The following SEC22C variants were observed in gnomAD, a reference collection of about 807,000 sequenced individuals.
The protein encoded by SEC22C is vesicle-trafficking protein SEC22c.
A neutral mutation model predicts 34.7 loss-of-function variants in SEC22C; 29 were observed. The observed-to-expected ratio is 0.84, with a 90% CI of 0.62 to 1.14. The LOEUF (loss-of-function observed/expected upper bound fraction) is 1.14. Ranked by LOEUF, SEC22C falls within the 50% of genes most tolerant of loss-of-function variation. SEC22C has a pLI of 0.00. For synonymous variants in SEC22C, 117 were observed against 132.8 expected, an observed-to-expected ratio of 0.88 and a Z score of 0.82; for missense variants, 337 against 369.0, an observed-to-expected ratio of 0.91 and a Z score of 0.71.
intron 5 of SEC22C, among the ~76,000 whole-genome samples, chr3:42,556,903 A>G (rs1702564081): frequency 6.6e-6 from 1 of 152,002 alleles, no homozygotes; most frequent in Non-Finnish European, 1.5e-5. Context: ...TTGTATTTTT[A>G]GTAGAGATGG....
intron 1 of SEC22C, among the ~76,000 whole-genome samples, chr3:42,598,752 G>C (rs969919473): frequency 6.6e-6 from 1 of 152,012 alleles, no homozygotes; most frequent in Non-Finnish European, 1.5e-5. Context: ...GAAATGGGGA[G>C]TTACTGTTTA....
chr3:42,583,032 A>C (rs577195009), upstream of SEC22C, among the ~76,000 whole-genome samples: 3 of 152,368 alleles, frequency 2.0e-5, no homozygotes, highest in East Asian at 5.8e-4. Flanking sequence ...CAAAAAGAAA[A>C]GAAACTCAGA....
chr3:42,552,709 T>C lies in SEC22C; in HGVS notation c.*539A>G. On this transcript the variant is annotated 3_prime_UTR_variant, in exon 7 of 7. Coordinates refer to ENST00000264454, the MANE Select transcript of SEC22C (RefSeq NM_032970.4). ...TATAATTAAATATTCCAAAGGTATA[T>C]CGAACCTAAGATATTGAAAAAATGT... is the stretch of plus-strand genomic sequence containing the variant. The C allele has an allele frequency of 1.0e-6, 1 of 980,356 alleles. No homozygotes were observed. Among genetic ancestry groups the C allele is most frequent in the Non-Finnish European group, 1.2e-6 (1 of 825,370 alleles). The allele number at this position is 980,356 out of a possible 1,614,324, so 60.7% of individuals were successfully genotyped here. A position where few individuals can be genotyped will look rare whatever the true frequency, so the allele number is the denominator to read the frequency against.
chr3:42,577,744 T>C (rs1177055537), intron 1 of SEC22C, among the ~76,000 whole-genome samples: 2 of 151,798 alleles, frequency 1.3e-5, no homozygotes, highest in African/African-American at 4.8e-5. Context: ...CTGAGGTGAG[T>C]GGATCACCTG....
At position 42,551,336 on chromosome 3, in the gene SEC22C, T is replaced by A. The variant is rs939846762; in HGVS notation, c.*1912A>T. On this transcript the variant is annotated 3_prime_UTR_variant, in exon 7 of 7. Transcript: ENST00000264454. The stretch of plus-strand genomic sequence containing the variant: ...TTTATGTCTGAGTATGCTGCCAATA[T>A]AATTTTCATATTCAGACTTTTTAGA... The A allele has an allele frequency of 1.0e-6, 1 of 985,226 alleles. No homozygotes were observed. Among genetic ancestry groups the A allele is most frequent in the Non-Finnish European group, 1.2e-6 (1 of 829,902 alleles). 61.0% of individuals were successfully genotyped at this position (985,226 alleles called of 1,614,324 possible).
intron 1 of SEC22C, among the ~76,000 whole-genome samples, chr3:42,594,163 G>A (rs987866551): frequency 2.0e-4 from 31 of 152,314 alleles, no homozygotes; most frequent in Middle Eastern, 3.4e-3. Flanking sequence ...AAGTAGGTGC[G>A]CAAAGATAGA....
chr3:42,579,000 G>C (rs1221373223), intron 1 of SEC22C, among the ~76,000 whole-genome samples: 2 of 152,188 alleles, frequency 1.3e-5, no homozygotes, highest in African/African-American at 2.4e-5. Context: ...GAAAGCGGCT[G>C]GGTGCAGTGG....
At chr3:42,553,862 G>A (rs1278311423) in intron 6 of SEC22C, among the ~76,000 whole-genome samples, 1 of 152,112 alleles carries the variant, frequency 6.6e-6, no homozygotes, top group Non-Finnish European at 1.5e-5. Flanking sequence ...CAAGCAAGCT[G>A]GTGAGAGAAA....
At chr3:42,576,496 C>G (rs1056085150) in intron 1 of SEC22C, among the ~76,000 whole-genome samples, 3 of 151,856 alleles carry the variant, frequency 2.0e-5, no homozygotes, top group Non-Finnish European at 2.9e-5. Context: ...AATTTAAATA[C>G]CATTTATAAT....
In SEC22C at chr3:42,567,195, C is replaced by A. The variant is rs1006982602; in HGVS notation, c.182+1670G>T. 2.0e-5 allele frequency among the ~76,000 whole-genome samples: 3 copies of A among 152,150 alleles called. No individual in the cohort carries two copies. The East Asian group carries it at 5.8e-4, about 29-fold the overall frequency. On this transcript the variant is annotated intron_variant, in intron 2 of 6. Transcript: ENST00000264454. ...GGGATTACAGGCGTGAGCCACTGCA[C>A]CCAGCTAAGACCCTGTCTCTAAAAA...
chr3:42,590,798 C>T lies in SEC22C; in HGVS notation c.-28+10162G>A. 7 of 1,252,930 alleles carry T rather than the reference C, an allele frequency of 5.6e-6. No individual in the cohort carries two copies. In the East Asian group the frequency reaches 9.3e-5, roughly 17 times the overall value. The allele number at this position is 1,252,930 out of a possible 1,614,324, so 77.6% of individuals were successfully genotyped here. The stretch of plus-strand genomic sequence containing the variant: ...TCACAAATGACGTCCCTTCTGTACC[C>T]CGCCCTGTAGGCGGGAGCATCCAAT... On this transcript the variant is annotated intron_variant, in intron 1 of 6. Transcript: ENST00000417572.
chr3:42,599,462 G>A (rs1156758515), intron 1 of SEC22C, among the ~76,000 whole-genome samples: 1 of 150,164 alleles, frequency 6.7e-6, no homozygotes, highest in Non-Finnish European at 1.5e-5. Context: ...GGAGGCCGAG[G>A]CGGGCGGATC....
intron 1 of SEC22C, among the ~76,000 whole-genome samples, chr3:42,598,790 T>C (rs928475417): frequency 2.6e-5 from 4 of 151,974 alleles, no homozygotes; most frequent in Non-Finnish European, 1.5e-5. Flanking sequence ...TTTTGCAAGA[T>C]GGAAAATGTT....
intron 2 of SEC22C, among the ~76,000 whole-genome samples, chr3:42,568,473 C>T (rs140271429): frequency 2.7e-4 from 41 of 152,048 alleles, no homozygotes; most frequent in African/African-American, 9.9e-4. Flanking sequence ...TGGTGAAACC[C>T]CATCTCTACT....
rs1411711995 is a variant in SEC22C, at chr3:42,552,763, G to A, written c.*485C>T. 3 of 982,152 alleles carry A rather than the reference G, an allele frequency of 3.1e-6. No individual in the cohort carries two copies. In the South Asian group the frequency reaches 1.4e-4, roughly 46 times the overall value. The allele number at this position is 982,152 out of a possible 1,614,324, so 60.8% of individuals were successfully genotyped here. A position where few individuals can be genotyped will look rare whatever the true frequency, so the allele number is the denominator to read the frequency against. On this transcript the variant is annotated 3_prime_UTR_variant, in exon 7 of 7. Transcript: ENST00000264454. ...CAAAATTTATCTAGCTTACATTTATGAACCATATTTTTAGGTTTTTAATTC... is the reference window on the plus strand; with the variant it reads ...CAAAATTTATCTAGCTTACATTTATAAACCATATTTTTAGGTTTTTAATTC...
chr3:42,557,709 A>C lies in SEC22C; in HGVS notation c.527-13T>G. ...CGGAAATTAGGAGCTTCACAATGGA[A>C]AAAAAACAAGTGTCTAGTGTAAGTA... On this transcript the variant is annotated splice_polypyrimidine_tract_variant and intron_variant, in intron 4 of 6. Coordinates refer to ENST00000264454, the MANE Select transcript of SEC22C (RefSeq NM_032970.4). 4 of 1,387,696 alleles carry C rather than the reference A, an allele frequency of 2.9e-6. No individual in the cohort carries two copies. The highest frequency in any genetic ancestry group is 4.1e-6 in the Non-Finnish European group (4 of 982,172). The allele number at this position is 1,387,696 out of a possible 1,614,324, so 86.0% of individuals were successfully genotyped here.
intron 2 of SEC22C, 54 bp downstream of exon 2, chr3:42,568,811 T>A: frequency 4.7e-6 from 7 of 1,501,320 alleles, no homozygotes; most frequent in Non-Finnish European, 6.5e-6. Flanking sequence ...TACATGTAGT[T>A]AAAAGTAATC....
In SEC22C at chr3:42,563,597, C is replaced by T. The variant is rs1335221939; in HGVS notation, c.272G>A (p.Trp91Ter). ...GTCATAGGAAGCTGTGAATTCCCAC[C>T]ACAGGGTCTCCAGGAAGCAGAAGGC... ...AMAFCFLETL[W>*]WEFTASYDTT... The change falls in exon 3 of 7, where the codon TGG (tryptophan) becomes TAG (stop). Residue 91 changes from tryptophan (W) to a stop codon, truncating the protein, a stop_gained. Coordinates refer to ENST00000264454, the MANE Select transcript of SEC22C (RefSeq NM_032970.4). LOFTEE classifies it high-confidence loss of function. 3.1e-6 allele frequency: 5 copies of T among 1,614,022 alleles called. No homozygotes were observed. In the South Asian group the frequency reaches 4.4e-5, roughly 14 times the overall value.
At chr3:42,586,095 G>A (rs986261628), upstream of SEC22C, among the ~76,000 whole-genome samples, 1 of 152,052 alleles carries the variant, frequency 6.6e-6, no homozygotes, top group African/African-American at 2.4e-5. Context: ...GGAAAAAGTG[G>A]TCTATATGTG....
Sources: allele counts gnomAD v4.1 joint callset (sites outside exome capture counted in the v4.1 genomes callset), GRCh38; gene constraint gnomAD v4.1.1; transcripts MANE v1.5; gene names NCBI Gene and HGNC (gene_info 2026-07-23, HGNC 2026-07-21).